Variants in GRIA1 observed in about 807,000 individuals in gnomAD.
GRIA1 encodes glutamate ionotropic receptor AMPA type subunit 1.
GRIA1 carries 31 observed loss-of-function variants against 99.2 expected under a neutral mutation model. The ratio of observed to expected loss-of-function variants is 0.31; its 90% CI spans 0.23 to 0.42. GRIA1 has a LOEUF of 0.42. Among genes scored for constraint, GRIA1 ranks in the 10% least tolerant of loss-of-function variants. The pLI, the probability that GRIA1 is intolerant of heterozygous loss-of-function variation, is 1.00. For missense variants in GRIA1, 782 were observed against 1,157.5 expected (o/e 0.68, Z 4.71); for synonymous variants, 438 against 432.4 (o/e 1.01, Z -0.16).
At chr5:153,600,036 C>A (rs1384141108) in intron 2 of GRIA1, among the ~76,000 whole-genome samples, 1 of 152,040 alleles carries the variant, frequency 6.6e-6, no homozygotes, top group East Asian at 1.9e-4. Flanking sequence ...ACCTTGTTGC[C>A]AAATAGCGCC....
chr5:153,790,389 C>T (rs1172545588), intron 13 of GRIA1, among the ~76,000 whole-genome samples: 1 of 152,064 alleles, frequency 6.6e-6, no homozygotes. Context: ...TATTAAAAAC[C>T]TTGGGGAAGA....
chr5:153,501,486 T>C (rs1417034734), intron 2 of GRIA1, among the ~76,000 whole-genome samples: 3 of 152,160 alleles, frequency 2.0e-5, no homozygotes, highest in Non-Finnish European at 4.4e-5. Context: ...GGCAGAGGCC[T>C]GGCCAGGCCT....
chr5:153,580,042 C>T (rs756216493), intron 2 of GRIA1, among the ~76,000 whole-genome samples: 8 of 152,116 alleles, frequency 5.3e-5, no homozygotes, highest in Non-Finnish European at 1.2e-4. Flanking sequence ...AAGTAGGAGC[C>T]CACTTGGGCA....
chr5:153,776,133 G>A (rs1479544247), intron 13 of GRIA1, among the ~76,000 whole-genome samples: 2 of 152,178 alleles, frequency 1.3e-5, no homozygotes, highest in Admixed American at 6.6e-5. Flanking sequence ...ACGCATCAGA[G>A]AGAGGAGGAT....
At chr5:153,602,435 A>G (rs1399699873) in intron 2 of GRIA1, among the ~76,000 whole-genome samples, 1 of 152,064 alleles carries the variant, frequency 6.6e-6, no homozygotes, top group African/African-American at 2.4e-5. Context: ...ATGCTAAATG[A>G]CGAGTTAATG....
At chr5:153,493,442 A>G (rs954002675) in intron 1 of GRIA1, among the ~76,000 whole-genome samples, 4 of 152,240 alleles carry the variant, frequency 2.6e-5, no homozygotes, top group African/African-American at 9.6e-5. Flanking sequence ...GTAGTGGAGA[A>G]GCCCACAGGG....
At chr5:153,541,607 A>G (rs972082171) in intron 2 of GRIA1, among the ~76,000 whole-genome samples, 1 of 152,132 alleles carries the variant, frequency 6.6e-6, no homozygotes, top group African/African-American at 2.4e-5. Context: ...CGAAGTGACT[A>G]TACACTCTGG....
At chr5:153,537,986 G>A (rs1561622462) in intron 2 of GRIA1, among the ~76,000 whole-genome samples, 3 of 152,172 alleles carry the variant, frequency 2.0e-5, no homozygotes, top group Non-Finnish European at 2.9e-5. Context: ...AAGAAGAAGA[G>A]GCAGGGAGGT....
chr5:153,594,761 T>C (rs1764282497), intron 2 of GRIA1, among the ~76,000 whole-genome samples: 1 of 151,934 alleles, frequency 6.6e-6, no homozygotes, highest in African/African-American at 2.4e-5. Flanking sequence ...CTGGTGATCC[T>C]AACCTAGAGT....
chr5:153,798,592 G>A (rs1765792634), intron 14 of GRIA1, among the ~76,000 whole-genome samples: 1 of 152,224 alleles, frequency 6.6e-6, no homozygotes, highest in Non-Finnish European at 1.5e-5. Flanking sequence ...AGAAACTGAA[G>A]CTTGGCCTGA....
chr5:153,712,892 A>G (rs1759416415), intron 11 of GRIA1, among the ~76,000 whole-genome samples: 1 of 152,204 alleles, frequency 6.6e-6, no homozygotes, highest in African/African-American at 2.4e-5. Flanking sequence ...TCAGCTCTCT[A>G]GAATTTGAAA....
chr5:153,646,529 C>G (rs1316824161), intron 2 of GRIA1, among the ~76,000 whole-genome samples: 2 of 152,150 alleles, frequency 1.3e-5, no homozygotes, highest in Non-Finnish European at 2.9e-5. Context: ...AAAAATGACC[C>G]AGTCATCCCT....
chr5:153,632,687 G>GTACC (rs1753067643), intron 2 of GRIA1, among the ~76,000 whole-genome samples: 2 of 152,180 alleles, frequency 1.3e-5, no homozygotes, highest in South Asian at 2.1e-4. Context: ...GAGCAGACCA[G>GTACC]TACCTGTTCA....
intron 11 of GRIA1, among the ~76,000 whole-genome samples, chr5:153,724,013 T>A (rs1251496247): frequency 6.6e-6 from 1 of 152,144 alleles, no homozygotes; most frequent in Non-Finnish European, 1.5e-5. Flanking sequence ...GGCAGGCTGA[T>A]ACCTCACACG....
chr5:153,622,925 T>G (rs949413447), intron 2 of GRIA1, among the ~76,000 whole-genome samples: 1 of 152,238 alleles, frequency 6.6e-6, no homozygotes, highest in African/African-American at 2.4e-5. Context: ...CTCAGTCTTA[T>G]GTAAATAGAG....
intron 8 of GRIA1, 116 bp from the exon 9 acceptor site, chr5:153,697,928 C>G: frequency 1.8e-6 from 1 of 541,114 alleles, no homozygotes; most frequent in South Asian, 2.7e-5. Flanking sequence ...CTCGGTGTGT[C>G]CAATTCTTCA....
At chr5:153,567,735 G>A (rs1761775731) in intron 2 of GRIA1, among the ~76,000 whole-genome samples, 1 of 152,150 alleles carries the variant, frequency 6.6e-6, no homozygotes, top group East Asian at 1.9e-4. Context: ...CAAGATAGAT[G>A]GTAAATAAGT....
chr5:153,772,783 C>A (rs1050632906), intron 13 of GRIA1, among the ~76,000 whole-genome samples: 1 of 152,142 alleles, frequency 6.6e-6, no homozygotes, highest in Admixed American at 6.6e-5. Flanking sequence ...CCTAGAAAGA[C>A]TCAAAGTAGA....
intron 2 of GRIA1, among the ~76,000 whole-genome samples, chr5:153,616,413 T>C (rs1046886391): frequency 2.0e-5 from 3 of 152,092 alleles, no homozygotes; most frequent in Non-Finnish European, 4.4e-5. Context: ...TGAGCCACTT[T>C]GGAAGAAGAA....
Sources: gnomAD v4.1 joint callset for allele counts (sites outside exome capture counted in the v4.1 genomes callset) on GRCh38, gnomAD v4.1.1 for gene constraint, MANE v1.5 for transcripts, NCBI Gene and HGNC (gene_info 2026-07-23, HGNC 2026-07-21) for gene names.